The following LRP4 variants were observed in gnomAD, a reference collection of about 807,000 sequenced individuals.
LRP4 encodes low-density lipoprotein receptor-related protein 4.
In LRP4, 95 loss-of-function variants were observed where a neutral mutation model predicts 220.3. The observed-to-expected ratio is 0.43, with a 90% CI of 0.37 to 0.51. LRP4 has a LOEUF of 0.51. Ranked by LOEUF, LRP4 falls within the 20% of genes least tolerant of loss-of-function variation. LRP4 has a pLI of 0.00. For missense variants in LRP4, 1,925 were observed against 2,567.0 expected, an observed-to-expected ratio of 0.75 and a Z score of 5.40; for synonymous variants, 903 against 954.6, an observed-to-expected ratio of 0.95 and a Z score of 1.00.
rs1267038625 is a variant in LRP4 at position 46,899,052 on chromosome 11, G to T, written c.548-20C>A. 37 of 1,606,812 alleles carry T rather than the reference G, an allele frequency of 2.3e-5. No individual in the cohort carries two copies. Among genetic ancestry groups the T allele is most frequent in the Non-Finnish European group, 3.0e-5 (35 of 1,175,510 alleles). On this transcript the variant is annotated intron_variant, in intron 5 of 37. Transcript: ENST00000378623. The surrounding 1 kb of genome is among the most constrained non-coding windows in gnomAD (Gnocchi z 5.9). ...CTGAGGCTGGAGGGAAGGCAGGGGT[G>T]GGGAGGGGCACACACTCAGGCCTGG...
chr11:46,866,384 A>G (rs1212292003), intron 34 of LRP4, among the ~76,000 whole-genome samples: 1 of 151,510 alleles, frequency 6.6e-6, no homozygotes, highest in Non-Finnish European at 1.5e-5. Flanking sequence ...GGGCTCAAGC[A>G]ATCCTCCCAA....
Position 46,883,931 on chromosome 11 carries a change from G to A in LRP4, c.2552C>T (p.Thr851Ile). The change falls in exon 19 of 38, where the codon ACA (threonine) becomes ATA (isoleucine). Residue 851 changes from threonine (T) to isoleucine (I), a missense_variant. Around this residue, in one of 3 missense-constraint regions of LRP4, gnomAD observed 1,244 missense variants for 1,624.9 expected, o/e 0.77. Coordinates refer to ENST00000378623, the MANE Select transcript of LRP4 (RefSeq NM_002334.4). Reference sequence around the variant, plus strand: ...ATCAAGGTTCTCCCAGATGAGTACTGTTCTCATGCTGCCATCTGTGTTGGC... The same window carrying A: ...ATCAAGGTTCTCCCAGATGAGTACTATTCTCATGCTGCCATCTGTGTTGGC... ...EVANTDGSMR[T>I]VLIWENLDRP... 1 of 1,614,230 alleles carries A rather than the reference G, an allele frequency of 6.2e-7. No individual in the cohort carries two copies. The highest frequency in any genetic ancestry group is 8.5e-7 in the Non-Finnish European group (1 of 1,180,036).
At chr11:46,915,380 C>T (rs1039098529) in intron 1 of LRP4, among the ~76,000 whole-genome samples, 1 of 152,214 alleles carries the variant, frequency 6.6e-6, no homozygotes, top group African/African-American at 2.4e-5. Context: ...TGGTTGTCAT[C>T]CATGCCCTTA....
Position 46,895,187 on chromosome 11 carries a change from G to C in LRP4, c.1288C>G (p.Arg430Gly), listed in dbSNP as rs140528156. ...CETGYELRPDRRSCKALGPEP... is the reference protein window; with the variant it reads ...CETGYELRPDGRSCKALGPEP... ...TTACCCAGAGCCTTGCAGCTGCGCC[G>C]GTCGGGCCGTAGTTCATAGCCTGTT... is the stretch of plus-strand genomic sequence containing the variant. Residue 430 changes from arginine (R) to glycine (G), a missense_variant, in exon 11 of 38, where the codon CGG becomes GGG. By Grantham distance (125) the Arg-to-Gly change is moderately radical (BLOSUM62 -2). This residue lies in a region of LRP4 where 269 missense variants were observed against 436.7 expected (regional missense o/e 0.62). Transcript: ENST00000378623. 1.9e-6 allele frequency: 3 copies of C among 1,614,002 alleles called. No homozygotes were observed. Among genetic ancestry groups the C allele is most frequent in the Non-Finnish European group, 2.5e-6 (3 of 1,180,036 alleles).
In LRP4 at chr11:46,918,259, C is replaced by T; in HGVS notation, c.52+69G>A. The T allele has an allele frequency of 1.4e-6, 2 of 1,466,312 alleles. No individual in the cohort carries two copies. Among genetic ancestry groups the T allele is most frequent in the Non-Finnish European group, 9.1e-7 (1 of 1,097,172 alleles). 90.8% of individuals were successfully genotyped at this position (1,466,312 alleles called of 1,614,324 possible). On this transcript the variant is annotated intron_variant, in intron 1 of 37. Transcript: ENST00000378623. This position sits in a 1 kb window ranked among gnomAD's most constrained non-coding sequence, Gnocchi z 6.0. Reference sequence around the variant, plus strand: ...GTCTCAGGCCCCGGCCCGCGCCGTCCAGGTCCCGGGAGGCGAGTCCTGCAG... The same window carrying T: ...GTCTCAGGCCCCGGCCCGCGCCGTCTAGGTCCCGGGAGGCGAGTCCTGCAG...
intron 18 of LRP4, 136 bp downstream of exon 18, chr11:46,885,955 C>A: frequency 1.3e-6 from 1 of 791,102 alleles, no homozygotes. Context: ...AGCCCTCCGG[C>A]TTCTGACCTA....
At chr11:46,887,637 C>T (rs549496126) in intron 16 of LRP4, among the ~76,000 whole-genome samples, 33 of 151,974 alleles carry the variant, frequency 2.2e-4, no homozygotes, top group African/African-American at 8.0e-4. Context: ...TTGAGACCAG[C>T]CTGGCCAACA....
At chr11:46,901,666 A>G (rs1941667556) in intron 2 of LRP4, among the ~76,000 whole-genome samples, 1 of 152,210 alleles carries the variant, frequency 6.6e-6, no homozygotes, top group African/African-American at 2.4e-5. Context: ...TATATATCCA[A>G]GACAGGTCAC....
intron 35 of LRP4, 44 bp downstream of exon 35, chr11:46,865,075 C>T (rs1373763132): frequency 4.0e-6 from 6 of 1,499,376 alleles, no homozygotes; most frequent in Non-Finnish European, 5.5e-6. Flanking sequence ...GACTTAGATT[C>T]ATTACATCTT....
rs1055751936 is a variant in LRP4 at position 46,896,665 on chromosome 11, G to A, written c.922+204C>T. Among the ~76,000 whole-genome samples the A allele has an allele frequency of 6.6e-5, 10 of 152,264 alleles. No homozygotes were observed. In the East Asian group the frequency reaches 1.3e-3, roughly 20 times the overall value. On this transcript the variant is annotated intron_variant, in intron 8 of 37. Transcript: ENST00000378623. ...TAGACCAGAGCTAAAGGCACTGGCT[G>A]TGTGTGAGTTAGAATAGGAGTGGCA...
chr11:46,873,839 AG>A lies in LRP4; in HGVS notation c.4230-247del, dbSNP rs1450272899. 5.9e-6 allele frequency: 3 copies of A among 508,030 alleles called. No individual in the cohort carries two copies. The highest frequency in any genetic ancestry group is 5.7e-5 in the African/African-American group (3 of 53,080). The allele number at this position is 508,030 out of a possible 1,614,324, so 31.5% of individuals were successfully genotyped here. ...CTAACTGGACATAGTGGCGGTTGCC[AG>A]GGGATGTCTTGCTAGAAGACAAGTT... On this transcript the variant is annotated intron_variant, in intron 28 of 37. Coordinates refer to ENST00000378623, the MANE Select transcript of LRP4 (RefSeq NM_002334.4). This position sits in a 1 kb window ranked among gnomAD's most constrained non-coding sequence, Gnocchi z 4.2.
intron 1 of LRP4, among the ~76,000 whole-genome samples, chr11:46,916,197 G>C (rs1941944209): frequency 6.6e-6 from 1 of 152,150 alleles, no homozygotes; most frequent in Admixed American, 6.5e-5. Flanking sequence ...CCAGCACTTT[G>C]GGAGGCCGAG....
chr11:46,875,947 A>T lies in LRP4; in HGVS notation c.3556T>A (p.Trp1186Arg), dbSNP rs773144048. The change falls in exon 26 of 38, where the codon TGG becomes AGG. Residue 1186 changes from tryptophan (W) to arginine (R), a missense_variant. Coordinates refer to ENST00000378623, the MANE Select transcript of LRP4 (RefSeq NM_002334.4). This position sits in a 1 kb window ranked among gnomAD's most constrained non-coding sequence, Gnocchi z 4.5. Reference sequence around the variant, plus strand: ...CGCTCTAACTTGGCATTCTCCCCCCAGTCTGTCCAGTACATAAACCTGAGT... The same window carrying T: ...CGCTCTAACTTGGCATTCTCCCCCCTGTCTGTCCAGTACATAAACCTGAGT... ...HEMGFMYWTD[W>R]GENAKLERSG... 1 of 1,614,176 alleles carries T rather than the reference A, an allele frequency of 6.2e-7. No individual in the cohort carries two copies. The highest frequency in any genetic ancestry group is 2.2e-5 in the East Asian group (1 of 44,878).
intron 25 of LRP4, among the ~76,000 whole-genome samples, chr11:46,876,183 G>C (rs1941009978): frequency 6.6e-6 from 1 of 152,128 alleles, no homozygotes; most frequent in African/African-American, 2.4e-5. Flanking sequence ...CCATTTAATA[G>C]GTAAGGAAGC....
chr11:46,890,593 G>T lies in LRP4; in HGVS notation c.1698-99C>A. 3.7e-6 allele frequency: 3 copies of T among 809,112 alleles called. No homozygotes were observed. In the South Asian group the frequency reaches 4.4e-5, roughly 12 times the overall value. The allele number at this position is 809,112 out of a possible 1,614,324, so 50.1% of individuals were successfully genotyped here. On this transcript the variant is annotated intron_variant, in intron 13 of 37. Transcript: ENST00000378623. This position sits in a 1 kb window ranked among gnomAD's most constrained non-coding sequence, Gnocchi z 5.3. ...GCGCTTTTATCCATTTAACTCAGGGGACTCCAATGTTTGGTCCACAGAATG... is the reference window on the plus strand; with the variant it reads ...GCGCTTTTATCCATTTAACTCAGGGTACTCCAATGTTTGGTCCACAGAATG...
intron 37 of LRP4, chr11:46,860,991 CT>C (rs1940530508): frequency 1.0e-6 from 1 of 983,230 alleles, no homozygotes; most frequent in African/African-American, 1.8e-5. Context: ...GAAAGAGCTG[CT>C]GAGGAAGAAA....
intron 37 of LRP4, chr11:46,861,044 C>T (rs1940532057): frequency 1.4e-6 from 1 of 693,506 alleles, no homozygotes; most frequent in South Asian, 6.5e-5. Context: ...TCATTGCTAT[C>T]CTGTGGCCTT....
intron 15 of LRP4, 136 bp downstream of exon 15, chr11:46,889,808 T>A: frequency 1.0e-6 from 1 of 1,002,552 alleles, no homozygotes; most frequent in African/African-American, 1.6e-5. Context: ...AGGGAGGAAT[T>A]AGCCCATGTC....
rs533361745 is a variant in LRP4 at position 46,918,319 on chromosome 11, G to T, written c.52+9C>A. ...CCAGGGACAAACTTTCCCGGCGGGC[G>T]CCGCTTACCGTGTGCGCAGAGCAGG... On this transcript the variant is annotated intron_variant, in intron 1 of 37. Coordinates refer to ENST00000378623, the MANE Select transcript of LRP4 (RefSeq NM_002334.4). The surrounding 1 kb of genome is among the most constrained non-coding windows in gnomAD (Gnocchi z 6.0). 3.3e-6 allele frequency: 5 copies of T among 1,509,246 alleles called. No homozygotes were observed. In the African/African-American group the frequency reaches 7.2e-5, roughly 22 times the overall value. The allele number at this position is 1,509,246 out of a possible 1,614,324, so 93.5% of individuals were successfully genotyped here. A position where few individuals can be genotyped will look rare whatever the true frequency, so the allele number is the denominator to read the frequency against.
Sources: gnomAD v4.1 joint callset for allele counts (sites outside exome capture counted in the v4.1 genomes callset) on GRCh38, gnomAD v4.1.1 for gene constraint, gnomAD v4.1.1 regional missense constraint, Gnocchi (gnomAD v3.1) non-coding constraint, MANE v1.5 for transcripts, NCBI Gene and HGNC (gene_info 2026-07-23, HGNC 2026-07-21) for gene names.